The following TWIST2 variants were observed in gnomAD, a reference collection of about 807,000 sequenced individuals.
TWIST2 encodes the protein twist-related protein 2.
Under a neutral mutation model 11.6 loss-of-function variants are expected in TWIST2, and 1 was observed. That is an observed-to-expected ratio of 0.09 (90% CI 0.03 to 0.41). The LOEUF is 0.41. Among genes scored for constraint, TWIST2 ranks in the 10% least tolerant of loss-of-function variants. The pLI, the probability that TWIST2 is intolerant of heterozygous loss-of-function variation, is 0.98. For synonymous variants in TWIST2, 87 were observed against 96.6 expected, an observed-to-expected ratio of 0.90 and a Z score of 0.58; for missense variants, 168 against 226.4, an observed-to-expected ratio of 0.74 and a Z score of 1.66.
intron 1 of TWIST2, among the ~76,000 whole-genome samples, chr2:238,889,283 C>A (rs986016610): frequency 6.6e-6 from 1 of 152,208 alleles, no homozygotes; most frequent in Admixed American, 6.5e-5. Flanking sequence ...ATGACTCGGG[C>A]AAACTTGGGA....
chr2:238,861,296 A>G (rs1692429932), intron 1 of TWIST2, among the ~76,000 whole-genome samples: 1 of 152,218 alleles, frequency 6.6e-6, no homozygotes, highest in Non-Finnish European at 1.5e-5. Context: ...TTCGTAGCAC[A>G]GCACACTTGC....
At chr2:238,881,806 A>C (rs1692940718) in intron 1 of TWIST2, among the ~76,000 whole-genome samples, 1 of 152,140 alleles carries the variant, frequency 6.6e-6, no homozygotes, top group African/African-American at 2.4e-5. Flanking sequence ...TGTTATCCGG[A>C]GGAGCCACTT....
chr2:238,884,226 G>A (rs912561354), intron 1 of TWIST2, among the ~76,000 whole-genome samples: 3 of 152,204 alleles, frequency 2.0e-5, no homozygotes, highest in Non-Finnish European at 1.5e-5. Context: ...AGTGCCAGTG[G>A]GCTGCCAAGT....
chr2:238,858,943 G>A (rs1274713872), intron 1 of TWIST2, among the ~76,000 whole-genome samples: 1 of 152,214 alleles, frequency 6.6e-6, no homozygotes, highest in Non-Finnish European at 1.5e-5. Context: ...TGGGCACAGT[G>A]GCTCACGCCT....
chr2:238,892,118 G>A (rs1693145421), intron 1 of TWIST2, among the ~76,000 whole-genome samples: 1 of 152,176 alleles, frequency 6.6e-6, no homozygotes, highest in South Asian at 2.1e-4. Context: ...CTGCCCTCGG[G>A]ACCCTGACTG....
intron 1 of TWIST2, among the ~76,000 whole-genome samples, chr2:238,850,605 A>G (rs867335931): frequency 5.3e-5 from 8 of 152,238 alleles, no homozygotes; most frequent in Middle Eastern, 3.2e-3. Context: ...ATTTAAAAAT[A>G]ATCGCACTCC....
chr2:238,858,767 C>A (rs1202560022), intron 1 of TWIST2, among the ~76,000 whole-genome samples: 3 of 152,152 alleles, frequency 2.0e-5, no homozygotes, highest in African/African-American at 7.2e-5. Flanking sequence ...CCCCAAAACA[C>A]TGAAAACAGT....
At chr2:238,903,528 A>AGG (rs1693305821) in intron 1 of TWIST2, among the ~76,000 whole-genome samples, 1 of 105,562 alleles carries the variant, frequency 9.5e-6, no homozygotes. Context: ...GGTGTGTCTA[A>AGG]TGTGAGGTGT....
intron 1 of TWIST2, among the ~76,000 whole-genome samples, chr2:238,849,415 C>T (rs938492721): frequency 3.3e-5 from 5 of 152,214 alleles, no homozygotes; most frequent in African/African-American, 1.2e-4. Context: ...GAGAAGGGCC[C>T]TGGGCCGAGA....
At chr2:238,882,188 C>T (rs997660587) in intron 1 of TWIST2, among the ~76,000 whole-genome samples, 6 of 152,172 alleles carry the variant, frequency 3.9e-5, no homozygotes, top group Non-Finnish European at 7.3e-5. Flanking sequence ...GCCTTCTTTT[C>T]CCTGGGGGGC....
At position 238,864,642 on chromosome 2, in the gene TWIST2, C is replaced by T. The variant is rs1235918878; in HGVS notation, c.*35+15909C>T. ...AGGACAGGGGCCCAGAGGCTGGTAC[C>T]CTCCGAGGTGCGGGAGAAGAGGAGG... On this transcript the variant is annotated intron_variant, in intron 1 of 1. Transcript: ENST00000612363. This position sits in a 1 kb window ranked among gnomAD's most constrained non-coding sequence, Gnocchi z 4.7. Among the ~76,000 whole-genome samples, 2 of 152,202 alleles carry T rather than the reference C, an allele frequency of 1.3e-5. No individual in the cohort carries two copies. The highest frequency in any genetic ancestry group is 1.9e-4 in the East Asian group (1 of 5,190).
chr2:238,874,751 T>C (rs1195253744), intron 1 of TWIST2, among the ~76,000 whole-genome samples: 2 of 152,178 alleles, frequency 1.3e-5, no homozygotes, highest in Non-Finnish European at 1.5e-5. Flanking sequence ...AGGATTCAGG[T>C]AGAAGAGTTG....
At chr2:238,861,244 C>T (rs146095395) in intron 1 of TWIST2, among the ~76,000 whole-genome samples, 17,642 of 152,266 alleles carry the variant, frequency 0.12, 1,376 homozygotes, top group Non-Finnish European at 0.17. Flanking sequence ...GCTGCCGAGG[C>T]GCAGAGCCCA....
chr2:238,874,430 G>T (rs189575977), intron 1 of TWIST2, among the ~76,000 whole-genome samples: 7 of 152,194 alleles, frequency 4.6e-5, no homozygotes, highest in Admixed American at 2.6e-4. Context: ...TTTTGCAAAA[G>T]AATAGAAAGA....
chr2:238,884,917 A>C (rs904540293), intron 1 of TWIST2, among the ~76,000 whole-genome samples: 71 of 152,150 alleles, frequency 4.7e-4, no homozygotes, highest in Non-Finnish European at 1.5e-4. Flanking sequence ...AGGTCACTCC[A>C]GCTCCCCTGA....
At chr2:238,850,491 A>G (rs1692223524) in intron 1 of TWIST2, among the ~76,000 whole-genome samples, 1 of 152,238 alleles carries the variant, frequency 6.6e-6, no homozygotes, top group Admixed American at 6.5e-5. Context: ...TGTTTAAGGA[A>G]AATGTCACTT....
At chr2:238,902,181 T>G (rs1196221518) in intron 1 of TWIST2, among the ~76,000 whole-genome samples, 1 of 151,976 alleles carries the variant, frequency 6.6e-6, no homozygotes, top group East Asian at 1.9e-4. Context: ...GGTGTGTGTG[T>G]GTGTGCAAGA....
chr2:238,905,882 T>G (rs1487529588), intron 1 of TWIST2, among the ~76,000 whole-genome samples: 1 of 149,328 alleles, frequency 6.7e-6, no homozygotes, highest in Non-Finnish European at 1.5e-5. Flanking sequence ...TGTGTGTGCA[T>G]GTGCGCGCAT....
chr2:238,908,594 G>T (rs1176790936), intron 1 of TWIST2, among the ~76,000 whole-genome samples: 15 of 152,190 alleles, frequency 9.9e-5, no homozygotes, highest in African/African-American at 3.4e-4. Context: ...CGACACCACT[G>T]TATGTGTGGC....
Sources: allele counts gnomAD v4.1 joint callset (sites outside exome capture counted in the v4.1 genomes callset), GRCh38; gene constraint gnomAD v4.1.1; non-coding constraint Gnocchi (gnomAD v3.1); transcripts MANE v1.5; gene names NCBI Gene and HGNC (gene_info 2026-07-23, HGNC 2026-07-21).